The following CLYBL variants were observed in gnomAD, a reference collection of about 807,000 sequenced individuals.
CLYBL encodes the protein citramalyl-CoA lyase, mitochondrial.
CLYBL carries 31 observed loss-of-function variants against 38.9 expected under a neutral mutation model. The ratio of observed to expected loss-of-function variants is 0.80; its 90% CI spans 0.60 to 1.08. The LOEUF (loss-of-function observed/expected upper bound fraction) is 1.08. CLYBL is among the 50% of genes least tolerant of loss of function. The probability of loss-of-function intolerance (pLI) is 0.00; values close to 1 mark genes in which losing one functional copy is unlikely to be tolerated. For missense variants in CLYBL, 434 were observed against 411.6 expected, an observed-to-expected ratio of 1.05 and a Z score of -0.47; for synonymous variants, 171 against 158.6, an observed-to-expected ratio of 1.08 and a Z score of -0.59.
At chr13:99,767,792 G>T (rs1163397853) in intron 1 of CLYBL, among the ~76,000 whole-genome samples, 1 of 152,100 alleles carries the variant, frequency 6.6e-6, no homozygotes, top group Admixed American at 6.6e-5. Context: ...GGGGTTTGTG[G>T]TATCTTTTTA....
intron 1 of CLYBL, among the ~76,000 whole-genome samples, chr13:99,709,695 G>A (rs1024593209): frequency 2.6e-4 from 39 of 152,200 alleles, no homozygotes; most frequent in African/African-American, 8.7e-4. Flanking sequence ...TTGAAAGAGT[G>A]TAACCCCTTC....
intron 1 of CLYBL, among the ~76,000 whole-genome samples, chr13:99,678,174 T>C (rs2047681659): frequency 6.6e-6 from 1 of 152,224 alleles, no homozygotes; most frequent in Non-Finnish European, 1.5e-5. Flanking sequence ...GGAAGTTGTC[T>C]TCTTAACCAT....
intron 1 of CLYBL, among the ~76,000 whole-genome samples, chr13:99,629,336 G>A (rs1001091986): frequency 2.6e-5 from 4 of 152,210 alleles, no homozygotes; most frequent in African/African-American, 9.7e-5. Flanking sequence ...ATTGCCTCCT[G>A]ACAAGTACAA....
At chr13:99,764,831 C>A (rs1458495665) in intron 1 of CLYBL, among the ~76,000 whole-genome samples, 1 of 151,720 alleles carries the variant, frequency 6.6e-6, no homozygotes, top group Non-Finnish European at 1.5e-5. Flanking sequence ...TAGGCATGCA[C>A]CACCATGCCT....
At chr13:99,808,337 C>T (rs959142376) in intron 2 of CLYBL, among the ~76,000 whole-genome samples, 10 of 152,102 alleles carry the variant, frequency 6.6e-5, no homozygotes, top group East Asian at 1.9e-4. Flanking sequence ...CAGCCTGCCT[C>T]GGCCTCCCAA....
At chr13:99,896,076 G>C (rs2052573694), downstream of CLYBL, 1 of 150,872 alleles carries the variant, frequency 6.6e-6, no homozygotes, top group South Asian at 2.1e-4. Flanking sequence ...CTCGTCGCCC[G>C]CGCCCCCGGT....
intron 7 of CLYBL, among the ~76,000 whole-genome samples, chr13:99,880,068 A>ATAT (rs34063235): frequency 0.082 from 8,309 of 101,192 alleles, 471 homozygotes; most frequent in East Asian, 0.22. Context: ...ATATATATAT[A>ATAT]TTTTTTTTTT....
chr13:99,699,692 C>CAAAA (rs543597111), intron 1 of CLYBL, among the ~76,000 whole-genome samples: 12 of 108,476 alleles, frequency 1.1e-4, no homozygotes, highest in Admixed American at 2.7e-4. Context: ...GACTCCGTCT[C>CAAAA]AAAAAAAAAA....
intron 1 of CLYBL, among the ~76,000 whole-genome samples, chr13:99,644,206 GTGTA>G (rs2047141489): frequency 2.1e-5 from 3 of 144,992 alleles, no homozygotes; most frequent in East Asian, 2.0e-4. Flanking sequence ...TGTGGTGTAT[GTGTA>G]TATGTGGTGT....
chr13:99,658,221 A>G (rs1594105168), intron 1 of CLYBL, among the ~76,000 whole-genome samples: 1 of 152,006 alleles, frequency 6.6e-6, no homozygotes, highest in Non-Finnish European at 1.5e-5. Flanking sequence ...GCCCCCTCCT[A>G]CCCTTTTTGG....
intron 1 of CLYBL, among the ~76,000 whole-genome samples, chr13:99,660,621 A>G (rs1489376919): frequency 6.6e-6 from 1 of 152,138 alleles, no homozygotes; most frequent in East Asian, 1.9e-4. Context: ...TAACCCACCA[A>G]TGGCCACCAA....
chr13:99,866,346 C>T lies in CLYBL; in HGVS notation c.741C>T (p.Asp247=). 1 of 1,614,184 alleles carries T rather than the reference C, an allele frequency of 6.2e-7. No homozygotes were observed. Among genetic ancestry groups the T allele is most frequent in the Non-Finnish European group, 8.5e-7 (1 of 1,180,034 alleles). ...AAGCCATAGATCTGGTGTACATTGACTTTCGAGATGGAGCTGGGCTGCTTA... is the reference window on the plus strand; with the variant it reads ...AAGCCATAGATCTGGTGTACATTGATTTTCGAGATGGAGCTGGGCTGCTTA... ...GLQAIDLVYI[D]FRDGAGLLRQ... The change falls in exon 6 of 9, where the codon GAC becomes GAT. Residue 247 remains aspartate, a synonymous_variant. Transcript: ENST00000339105.
chr13:99,663,713 T>G (rs2047441169), intron 1 of CLYBL, among the ~76,000 whole-genome samples: 1 of 152,168 alleles, frequency 6.6e-6, no homozygotes, highest in Non-Finnish European at 1.5e-5. Flanking sequence ...CTTGTCACCT[T>G]TGTGCGGAAG....
intron 1 of CLYBL, among the ~76,000 whole-genome samples, chr13:99,617,366 A>G (rs2046727406): frequency 6.6e-6 from 1 of 152,170 alleles, no homozygotes; most frequent in African/African-American, 2.4e-5. Flanking sequence ...CATTGCACAC[A>G]TATACTTTGT....
At chr13:99,718,858 T>C (rs1041771675) in intron 1 of CLYBL, among the ~76,000 whole-genome samples, 1 of 152,182 alleles carries the variant, frequency 6.6e-6, no homozygotes, top group Admixed American at 6.5e-5. Context: ...TTTTTTTTTT[T>C]CTGAGCAGAG....
At chr13:99,773,040 G>T in intron 2 of CLYBL, 30 bp downstream of exon 2, 1 of 1,583,484 alleles carries the variant, frequency 6.3e-7, no homozygotes, top group Non-Finnish European at 8.6e-7. Context: ...ATGAGAAAAA[G>T]AAAGGTATTG....
intron 1 of CLYBL, among the ~76,000 whole-genome samples, chr13:99,644,389 A>T (rs2047146669): frequency 6.6e-6 from 1 of 152,214 alleles, no homozygotes; most frequent in Non-Finnish European, 1.5e-5. Context: ...TAATAGGTAC[A>T]TAGTGTATAT....
chr13:99,633,681 G>T (rs4771340), intron 1 of CLYBL, among the ~76,000 whole-genome samples: 73,285 of 151,910 alleles, frequency 0.48, 17,856 homozygotes, highest in East Asian at 0.71. Flanking sequence ...CTAGTGGTGA[G>T]GCTTGTACAG....
intron 2 of CLYBL, among the ~76,000 whole-genome samples, chr13:99,855,410 G>C (rs1391421956): frequency 2.0e-5 from 3 of 152,168 alleles, no homozygotes; most frequent in African/African-American, 4.8e-5. Flanking sequence ...CCTTCTGAGA[G>C]CTGGGGTCAG....
Sources: gnomAD v4.1 joint callset for allele counts (sites outside exome capture counted in the v4.1 genomes callset) on GRCh38, gnomAD v4.1.1 for gene constraint, MANE v1.5 for transcripts, NCBI Gene and HGNC (gene_info 2026-07-23, HGNC 2026-07-21) for gene names.